Variants in TGIF1 observed in about 807,000 individuals in gnomAD.
The protein encoded by TGIF1 is TGFB induced factor homeobox 1.
In TGIF1, 4 loss-of-function variants were observed where a neutral mutation model predicts 19.3. That is an observed-to-expected ratio of 0.21 (90% CI 0.10 to 0.47). The LOEUF (loss-of-function observed/expected upper bound fraction) is 0.47, where lower values mean the gene tolerates loss of function less well. Ranked by LOEUF, TGIF1 falls within the 20% of genes least tolerant of loss-of-function variation. The pLI is 0.98. For missense variants in TGIF1, 275 were observed against 341.4 expected (o/e 0.81, Z 1.53); for synonymous variants, 122 against 129.3 (o/e 0.94, Z 0.38).
intron 2 of TGIF1, among the ~76,000 whole-genome samples, chr18:3,428,455 C>T (rs1164360018): frequency 6.6e-6 from 1 of 151,634 alleles, no homozygotes; most frequent in Non-Finnish European, 1.5e-5. Flanking sequence ...ATTATTTTGG[C>T]CGGGTATGGT....
intron 2 of TGIF1, among the ~76,000 whole-genome samples, chr18:3,445,039 G>A (rs1471850620): frequency 6.6e-6 from 1 of 152,174 alleles, no homozygotes; most frequent in Non-Finnish European, 1.5e-5. Flanking sequence ...GTCCAGGGAT[G>A]TCACTAAATA....
At position 3,437,090 on chromosome 18, in the gene TGIF1, G is replaced by A. The variant is rs574036010; in HGVS notation, c.-45+18875G>A. 1.5e-3 allele frequency among the ~76,000 whole-genome samples: 229 copies of A among 152,170 alleles called. 1 individual carries two copies. The highest frequency in any genetic ancestry group is 0.01 in the Middle Eastern group (3 of 294). On this transcript the variant is annotated intron_variant, in intron 2 of 3. Transcript: ENST00000401449. ...ACTGCACTCCAACCTGGGTGACAGC[G>A]CAGGACTCCATCTCAAAAATAATAA...
rs981717567 is a variant in TGIF1, at chr18:3,451,732, G to A, written c.16+1227G>A. On this transcript the variant is annotated intron_variant, in intron 1 of 2. Coordinates refer to ENST00000343820, the MANE Select transcript of TGIF1 (RefSeq NM_003244.4). The surrounding 1 kb of genome is among the most constrained non-coding windows in gnomAD (Gnocchi z 5.4). ...CTGCCTCCAGGCTTTCCCAGCGAGA[G>A]TGAAATTAAACTTGAAACTCGGATC... 2.4e-6 allele frequency: 3 copies of A among 1,244,242 alleles called. No individual in the cohort carries two copies. Among genetic ancestry groups the A allele is most frequent in the African/African-American group, 3.1e-5 (2 of 64,424 alleles). 77.1% of individuals were successfully genotyped at this position (1,244,242 alleles called of 1,614,324 possible). A position where few individuals can be genotyped will look rare whatever the true frequency, so the allele number is the denominator to read the frequency against.
At position 3,451,621 on chromosome 18, in the gene TGIF1, G is replaced by T. The variant is rs887131337; in HGVS notation, c.16+1116G>T. ...TTCTTTCAGACCCGGCCCGCTGCGGGGCGTTCCTGGGGGGTAGCCTCAAGG... is the reference window on the plus strand; with the variant it reads ...TTCTTTCAGACCCGGCCCGCTGCGGTGCGTTCCTGGGGGGTAGCCTCAAGG... On this transcript the variant is annotated intron_variant, in intron 1 of 2. Transcript: ENST00000343820. This position sits in a 1 kb window ranked among gnomAD's most constrained non-coding sequence, Gnocchi z 5.4. 3 of 1,089,674 alleles carry T rather than the reference G, an allele frequency of 2.8e-6. No homozygotes were observed. Among genetic ancestry groups the T allele is most frequent in the Non-Finnish European group, 2.2e-6 (2 of 897,994 alleles). 67.5% of individuals were successfully genotyped at this position (1,089,674 alleles called of 1,614,324 possible).
upstream of TGIF1, chr18:3,449,832 T>A: frequency 2.0e-6 from 2 of 985,330 alleles, no homozygotes; most frequent in Non-Finnish European, 2.4e-6. Flanking sequence ...CTTTTTTCCA[T>A]CTGTTGCAGT....
At chr18:3,447,683 G>T, upstream of TGIF1, 1 of 1,603,708 alleles carries the variant, frequency 6.2e-7, no homozygotes, top group Non-Finnish European at 8.5e-7. Flanking sequence ...CTACATCACA[G>T]AATTGTGCCA....
At chr18:3,424,995 T>A (rs990127974) in intron 2 of TGIF1, among the ~76,000 whole-genome samples, 1 of 152,220 alleles carries the variant, frequency 6.6e-6, no homozygotes, top group Non-Finnish European at 1.5e-5. Flanking sequence ...AGCAAATTAA[T>A]CAAACCTGTG....
At chr18:3,432,619 A>C (rs1295765845) in intron 2 of TGIF1, among the ~76,000 whole-genome samples, 2 of 152,234 alleles carry the variant, frequency 1.3e-5, no homozygotes, top group Non-Finnish European at 2.9e-5. Context: ...TCAGGAATAA[A>C]AGACATATAT....
intron 2 of TGIF1, among the ~76,000 whole-genome samples, chr18:3,443,375 A>C (rs1293136540): frequency 6.6e-6 from 1 of 152,018 alleles, no homozygotes; most frequent in Non-Finnish European, 1.5e-5. Context: ...CCCACAGACT[A>C]CAACTTCTTC....
At chr18:3,431,741 C>T (rs959364045) in intron 2 of TGIF1, among the ~76,000 whole-genome samples, 2 of 152,140 alleles carry the variant, frequency 1.3e-5, no homozygotes, top group Non-Finnish European at 2.9e-5. Context: ...AGAGGCCTGG[C>T]TGACACCACC....
At chr18:3,420,937 G>A (rs1174164921) in intron 2 of TGIF1, among the ~76,000 whole-genome samples, 2 of 152,198 alleles carry the variant, frequency 1.3e-5, no homozygotes, top group Non-Finnish European at 2.9e-5. Flanking sequence ...GAGTTTGACA[G>A]TGTGACTTGG....
Position 3,450,182 on chromosome 18 carries a change from C to T in TGIF1, c.-308C>T, listed in dbSNP as rs894170168. Reference sequence around the variant, plus strand: ...CTCCTCGCCTCTCTCACTCTGACAGCGCCGAGGTGCGCCGAGCAGGAGCAG... The same window carrying T: ...CTCCTCGCCTCTCTCACTCTGACAGTGCCGAGGTGCGCCGAGCAGGAGCAG... On this transcript the variant is annotated 5_prime_UTR_variant, in exon 1 of 3. Transcript: ENST00000343820. 63 of 1,332,116 alleles carry T rather than the reference C, an allele frequency of 4.7e-5. No individual in the cohort carries two copies. Among genetic ancestry groups the T allele is most frequent in the Non-Finnish European group, 5.7e-5 (59 of 1,038,160 alleles). The allele number at this position is 1,332,116 out of a possible 1,614,324, so 82.5% of individuals were successfully genotyped here. A position where few individuals can be genotyped will look rare whatever the true frequency, so the allele number is the denominator to read the frequency against.
Position 3,457,096 on chromosome 18 carries a change from G to T in TGIF1, c.244-269G>T, listed in dbSNP as rs73377620. On this transcript the variant is annotated intron_variant, in intron 2 of 2. Coordinates refer to ENST00000343820, the MANE Select transcript of TGIF1 (RefSeq NM_003244.4). This position sits in a 1 kb window ranked among gnomAD's most constrained non-coding sequence, Gnocchi z 4.9. ...AAATCATTTTTAAGCATTTGAGATT[G>T]TATGTCTTTTTCTTCGTCCTGAAAA... The T allele has an allele frequency of 0.017, 9,912 of 576,882 alleles. 399 individuals carry two copies. The highest frequency in any genetic ancestry group is 0.11 in the African/African-American group (6,066 of 53,560). The allele number at this position is 576,882 out of a possible 1,614,324, so 35.7% of individuals were successfully genotyped here.
Position 3,451,814 on chromosome 18 carries a change from G to A in TGIF1, c.16+1309G>A. 7.6e-7 allele frequency: 1 copy of A among 1,307,738 alleles called. No homozygotes were observed. Among genetic ancestry groups the A allele is most frequent in the Non-Finnish European group, 9.7e-7 (1 of 1,027,670 alleles). The allele number at this position is 1,307,738 out of a possible 1,614,324, so 81.0% of individuals were successfully genotyped here. A position where few individuals can be genotyped will look rare whatever the true frequency, so the allele number is the denominator to read the frequency against. ...AGGACCCCTCCCCGCGGGACGGAGG[G>A]AGGACTCGGGACAGGGAATTGGCCC... On this transcript the variant is annotated intron_variant, in intron 1 of 2. Transcript: ENST00000343820. The surrounding 1 kb of genome is among the most constrained non-coding windows in gnomAD (Gnocchi z 5.4).
intron 2 of TGIF1, among the ~76,000 whole-genome samples, chr18:3,441,731 C>T (rs1016038094): frequency 1.3e-5 from 2 of 151,896 alleles, no homozygotes; most frequent in Non-Finnish European, 2.9e-5. Flanking sequence ...TTTTTTTAAC[C>T]GAAGGTAGTC....
upstream of TGIF1, chr18:3,449,859 C>T (rs901032699): frequency 2.7e-5 from 27 of 985,370 alleles, no homozygotes; most frequent in Non-Finnish European, 3.1e-5. Flanking sequence ...ACCAAACGCA[C>T]CCTCGCCAGC....
upstream of TGIF1, chr18:3,447,869 C>T (rs2082772058): frequency 1.3e-6 from 2 of 1,585,228 alleles, no homozygotes; most frequent in African/African-American, 1.3e-5. Context: ...CCCCTCCCCC[C>T]TTCTCCTGGA....
chr18:3,430,636 C>T (rs1379166447), intron 2 of TGIF1, among the ~76,000 whole-genome samples: 1 of 151,484 alleles, frequency 6.6e-6, no homozygotes, highest in Non-Finnish European at 1.5e-5. Flanking sequence ...TCCTGAGTAG[C>T]TGGGACTACA....
At chr18:3,446,449 G>A (rs2082748301), upstream of TGIF1, among the ~76,000 whole-genome samples, 2 of 152,160 alleles carry the variant, frequency 1.3e-5, no homozygotes, top group Non-Finnish European at 2.9e-5. Context: ...CTCCCAAAGT[G>A]GTGGGATTAC....
Sources: gnomAD v4.1 joint callset for allele counts (sites outside exome capture counted in the v4.1 genomes callset) on GRCh38, gnomAD v4.1.1 for gene constraint, Gnocchi (gnomAD v3.1) non-coding constraint, MANE v1.5 for transcripts, NCBI Gene and HGNC (gene_info 2026-07-23, HGNC 2026-07-21) for gene names.